USP13: variants seen among roughly 807,000 people sequenced by gnomAD.
The protein encoded by USP13 is ubiquitin carboxyl-terminal hydrolase 13.
In USP13, 68 loss-of-function variants were observed where a neutral mutation model predicts 107.8. That is an observed-to-expected ratio of 0.63 (90% CI 0.52 to 0.77). USP13 has a LOEUF of 0.77. Among genes scored for constraint, USP13 ranks in the 30% least tolerant of loss-of-function variants. The pLI is 0.00. For synonymous variants in USP13, 377 were observed against 389.5 expected (o/e 0.97, Z 0.38); for missense variants, 945 against 1,093.3 (o/e 0.86, Z 1.91).
chr3:179,766,473 T>G (rs1446147312), intron 19 of USP13, among the ~76,000 whole-genome samples: 1 of 152,222 alleles, frequency 6.6e-6, no homozygotes, highest in Non-Finnish European at 1.5e-5. Flanking sequence ...AACATTTGTT[T>G]TCATGGTAGT....
chr3:179,745,293 G>A (rs59131484), intron 13 of USP13, 76 bp downstream of exon 13: 684,344 of 1,379,786 alleles, frequency 0.5, 189,725 homozygotes, highest in East Asian at 0.64. Context: ...AGGGAAAGGG[G>A]GTGGGTGTTA....
At chr3:179,781,010 A>G (rs867124361) in intron 19 of USP13, among the ~76,000 whole-genome samples, 3 of 152,168 alleles carry the variant, frequency 2.0e-5, no homozygotes, top group South Asian at 4.1e-4. Context: ...GTACTTGTCC[A>G]TGGAAGCCAC....
At chr3:179,697,309 T>G (rs1024532269) in intron 3 of USP13, among the ~76,000 whole-genome samples, 5 of 152,226 alleles carry the variant, frequency 3.3e-5, no homozygotes, top group Non-Finnish European at 5.9e-5. Flanking sequence ...TATGTTCTTT[T>G]GAAGGTAAAT....
At chr3:179,690,633 C>A (rs369851613) in intron 3 of USP13, among the ~76,000 whole-genome samples, 2 of 152,194 alleles carry the variant, frequency 1.3e-5, no homozygotes, top group African/African-American at 4.8e-5. Context: ...AATGCAGTGG[C>A]GCCATCTTGG....
At chr3:179,708,990 C>T (rs779975019) in intron 6 of USP13, 33 bp downstream of exon 6, 1 of 1,601,202 alleles carries the variant, frequency 6.2e-7, no homozygotes, top group Non-Finnish European at 8.5e-7. Flanking sequence ...TGGGAACATG[C>T]AGTGGCTTCC....
chr3:179,697,002 A>G (rs1227045267), intron 3 of USP13, among the ~76,000 whole-genome samples: 1 of 152,208 alleles, frequency 6.6e-6, no homozygotes, highest in Non-Finnish European at 1.5e-5. Context: ...ACAGTGTTAA[A>G]TATTTACATC....
intron 17 of USP13, among the ~76,000 whole-genome samples, 189 bp downstream of exon 17, chr3:179,761,444 C>A (rs1367715923): frequency 6.6e-6 from 1 of 151,952 alleles, no homozygotes; most frequent in East Asian, 1.9e-4. Context: ...CAGCTTTAGG[C>A]CAGGCGTGGG....
intron 14 of USP13, among the ~76,000 whole-genome samples, chr3:179,753,071 A>G (rs2239637): frequency 0.4 from 61,029 of 152,106 alleles, 13,303 homozygotes; most frequent in East Asian, 0.65. Context: ...GGTTGTCCTC[A>G]GTGGTGTGGA....
chr3:179,760,995 A>G (rs1026368487), intron 16 of USP13, 117 bp from the exon 17 acceptor site: 2 of 1,273,588 alleles, frequency 1.6e-6, no homozygotes, highest in African/African-American at 3.0e-5. Flanking sequence ...ACCATTATCT[A>G]CACCCAACAG....
chr3:179,754,690 A>G (rs775269670), intron 14 of USP13, 42 bp from the exon 15 acceptor site: 26 of 1,598,828 alleles, frequency 1.6e-5, no homozygotes, highest in Non-Finnish European at 2.2e-5. Context: ...TAATAAGGTG[A>G]TTATGGAGAG....
Position 179,658,438 on chromosome 3 carries a change from C to T in USP13, c.168+5045C>T, listed in dbSNP as rs552879138. 3.8e-5 allele frequency among the ~76,000 whole-genome samples: 5 copies of T among 130,846 alleles called. No individual in the cohort carries two copies. In the South Asian group the frequency reaches 1.0e-3, roughly 27 times the overall value. The allele number at this position is 130,846 out of a possible 152,430, so 85.8% of individuals were successfully genotyped here. On this transcript the variant is annotated intron_variant, in intron 1 of 20. Transcript: ENST00000263966. Reference sequence around the variant, plus strand: ...GTTGGCTCTCTTGTGCTAATTCTGCCCCCCTCCCCACCTGCATTGTAAGTG... The same window carrying T: ...GTTGGCTCTCTTGTGCTAATTCTGCTCCCCTCCCCACCTGCATTGTAAGTG...
chr3:179,769,284 C>T (rs1715274453), intron 19 of USP13, among the ~76,000 whole-genome samples: 1 of 151,774 alleles, frequency 6.6e-6, no homozygotes, highest in Non-Finnish European at 1.5e-5. Context: ...AAACATGTAC[C>T]ATAGTTTATA....
chr3:179,721,413 G>A lies in USP13; in HGVS notation c.912G>A (p.Gly304=), dbSNP rs1255992005. Residue 304 remains glycine (G), a synonymous_variant, in exon 8 of 21, where the codon GGG becomes GGA. Transcript: ENST00000263966. The surrounding 1 kb of genome is among the most constrained non-coding windows in gnomAD (Gnocchi z 4.3). ...DMLHMHGTEN[G]LQDNDIKLRV... ...TGACTTTGTCTCAGACAGAGAATGG[G>A]CTCCAGGACAATGACATCAAGCTGA... is the stretch of plus-strand genomic sequence containing the variant. 2 of 1,613,664 alleles carry A rather than the reference G, an allele frequency of 1.2e-6. No individual in the cohort carries two copies. The highest frequency in any genetic ancestry group is 2.7e-5 in the African/African-American group (2 of 75,012).
chr3:179,688,886 G>A (rs992137030), intron 2 of USP13, among the ~76,000 whole-genome samples: 1 of 152,236 alleles, frequency 6.6e-6, no homozygotes, highest in African/African-American at 2.4e-5. Context: ...ATAGAGGAGC[G>A]ACTCTAAGAG....
intron 3 of USP13, among the ~76,000 whole-genome samples, chr3:179,695,528 C>A (rs1043421062): frequency 6.6e-6 from 1 of 150,812 alleles, no homozygotes; most frequent in Non-Finnish European, 1.5e-5. Flanking sequence ...CTAGCTTTTG[C>A]TGCTATTTTT....
intron 11 of USP13, among the ~76,000 whole-genome samples, chr3:179,740,590 T>A (rs1714158685): frequency 6.6e-6 from 1 of 152,098 alleles, no homozygotes; most frequent in Non-Finnish European, 1.5e-5. Flanking sequence ...TGTGGATCTC[T>A]GTGCTTCTTT....
At chr3:179,770,809 T>C (rs112621469) in intron 19 of USP13, among the ~76,000 whole-genome samples, 68 of 152,286 alleles carry the variant, frequency 4.5e-4, no homozygotes, top group African/African-American at 1.4e-3. Flanking sequence ...GGTTTCACCA[T>C]GTTGGCCAGG....
chr3:179,702,355 A>C (rs1192351635), intron 4 of USP13, among the ~76,000 whole-genome samples: 2 of 152,054 alleles, frequency 1.3e-5, no homozygotes, highest in African/African-American at 4.8e-5. Context: ...CATTCTGTGC[A>C]CACCTTGCCT....
chr3:179,772,904 A>C (rs1715384654), intron 19 of USP13, among the ~76,000 whole-genome samples: 1 of 152,184 alleles, frequency 6.6e-6, no homozygotes, highest in Admixed American at 6.5e-5. Flanking sequence ...TGATTTACCT[A>C]GGTCTGTCTT....
Sources: allele counts gnomAD v4.1 joint callset (sites outside exome capture counted in the v4.1 genomes callset), GRCh38; gene constraint gnomAD v4.1.1; non-coding constraint Gnocchi (gnomAD v3.1); transcripts MANE v1.5; gene names NCBI Gene and HGNC (gene_info 2026-07-23, HGNC 2026-07-21).